The following RPL26L1 variants were observed in gnomAD, a reference collection of about 807,000 sequenced individuals.
RPL26L1 encodes the protein ribosomal protein L26 like 1, also known as ribosomal protein uL24-like.
A neutral mutation model predicts 15.2 loss-of-function variants in RPL26L1; 8 were observed. The ratio of observed to expected loss-of-function variants is 0.53; its 90% confidence interval spans 0.31 to 0.95. RPL26L1 has a LOEUF of 0.95. Ranked by LOEUF, RPL26L1 falls within the 40% of genes least tolerant of loss-of-function variation. RPL26L1 has a pLI of 0.05. For missense variants in RPL26L1, 146 were observed against 190.9 expected (o/e 0.76, Z 1.39); for synonymous variants, 51 against 65.9 (o/e 0.77, Z 1.09).
chr5:172,968,029 G>C (rs1171338467), intron 2 of RPL26L1, among the ~76,000 whole-genome samples: 1 of 152,022 alleles, frequency 6.6e-6, no homozygotes, highest in Non-Finnish European at 1.5e-5. Flanking sequence ...ATGGTCAAAG[G>C]AAGTGTTCTT....
chr5:172,959,641 C>T (rs183845832), intron 1 of RPL26L1, 173 bp downstream of exon 1: 46 of 1,238,710 alleles, frequency 3.7e-5, no homozygotes, highest in Admixed American at 2.2e-4. Context: ...CCAGTGCTAC[C>T]CTCTCCCCCA....
chr5:172,964,281 C>CTTTT (rs1204432096), intron 2 of RPL26L1, among the ~76,000 whole-genome samples: 6 of 99,224 alleles, frequency 6.0e-5, no homozygotes, highest in African/African-American at 2.2e-4. Context: ...GGCCTGTTGC[C>CTTTT]TTTTTTTTTT....
chr5:172,954,627 G>T (rs1007500171), upstream of RPL26L1, among the ~76,000 whole-genome samples: 3 of 151,972 alleles, frequency 2.0e-5, no homozygotes, highest in Non-Finnish European at 2.9e-5. Context: ...GGGAAGGTGG[G>T]TGTGGAGAGG....
upstream of RPL26L1, chr5:172,959,413 C>T (rs1029376273): frequency 8.0e-6 from 8 of 1,004,194 alleles, no homozygotes; most frequent in African/African-American, 1.4e-4. Flanking sequence ...GCTTGCGCGG[C>T]ACGGAAACTC....
chr5:172,961,685 C>T (rs1243555395), intron 2 of RPL26L1, among the ~76,000 whole-genome samples: 1 of 152,234 alleles, frequency 6.6e-6, no homozygotes, highest in Non-Finnish European at 1.5e-5. Context: ...CCAGTGGACA[C>T]ATCTAGCATC....
At position 172,960,174 on chromosome 5, in the gene RPL26L1, T is replaced by C. The variant is rs1205466430; in HGVS notation, c.168+133T>C. 8.0e-5 allele frequency: 84 copies of C among 1,051,550 alleles called. No homozygotes were observed. The Middle Eastern group carries it at 1.0e-3, about 13-fold the overall frequency. The allele number at this position is 1,051,550 out of a possible 1,614,324, so 65.1% of individuals were successfully genotyped here. On this transcript the variant is annotated intron_variant, in intron 2 of 3. Transcript: ENST00000265100. ...CCCTTCAGATGTGTTAGGCCAGAGA[T>C]AGGGTTCAGAGCCACCAGAGAGTGC...
chr5:172,957,682 C>T (rs1280536654), upstream of RPL26L1: 1 of 199,322 alleles, frequency 5.0e-6, no homozygotes, highest in East Asian at 1.5e-4. Flanking sequence ...GTTTGACTAA[C>T]ACCTAAGGAC....
chr5:172,963,939 C>T (rs1296558092), intron 2 of RPL26L1, among the ~76,000 whole-genome samples: 1 of 152,080 alleles, frequency 6.6e-6, no homozygotes, highest in African/African-American at 2.4e-5. Flanking sequence ...CTCCATGAAA[C>T]CAGAGAGTTC....
chr5:172,965,705 C>T (rs1400412342), intron 2 of RPL26L1, among the ~76,000 whole-genome samples: 1 of 152,222 alleles, frequency 6.6e-6, no homozygotes, highest in Non-Finnish European at 1.5e-5. Flanking sequence ...TAATCTCTCA[C>T]AAGCTCTTCC....
chr5:172,958,264 CAAAAAAAA>C, upstream of RPL26L1: 2 of 286,782 alleles, frequency 7.0e-6, no homozygotes, highest in South Asian at 2.5e-5. Context: ...AACTCTATCT[CAAAAAAAA>C]AAAAAAAAAA....
intron 2 of RPL26L1, among the ~76,000 whole-genome samples, chr5:172,965,311 C>A (rs542378997): frequency 3.3e-5 from 5 of 152,212 alleles, no homozygotes; most frequent in African/African-American, 1.2e-4. Flanking sequence ...TTTCTTTTAC[C>A]GTCTTCCTCC....
chr5:172,966,624 T>C (rs1169995507), intron 2 of RPL26L1, among the ~76,000 whole-genome samples: 1 of 86,474 alleles, frequency 1.2e-5, no homozygotes, highest in East Asian at 3.3e-4. Flanking sequence ...TGTGTGTATT[T>C]CTTCAGTCTT....
At chr5:172,957,226 C>T (rs1358364721), upstream of RPL26L1, 1 of 456,158 alleles carries the variant, frequency 2.2e-6, no homozygotes, top group Non-Finnish European at 4.4e-6. Flanking sequence ...GACAAGACAG[C>T]CAGTCTCACT....
At chr5:172,958,116 T>TAAG (rs1755038706), upstream of RPL26L1, 5 of 307,434 alleles carry the variant, frequency 1.6e-5, no homozygotes, top group Admixed American at 1.2e-4. Context: ...AATACAAAAT[T>TAAG]AGCCGGGCGT....
intron 2 of RPL26L1, among the ~76,000 whole-genome samples, chr5:172,964,853 C>T (rs1755389272): frequency 6.6e-6 from 1 of 152,164 alleles, no homozygotes; most frequent in African/African-American, 2.4e-5. Flanking sequence ...CCTGTAGTTC[C>T]ACCCCTCTTA....
At chr5:172,967,272 C>T (rs1489939082) in intron 2 of RPL26L1, among the ~76,000 whole-genome samples, 1 of 151,986 alleles carries the variant, frequency 6.6e-6, no homozygotes, top group Non-Finnish European at 1.5e-5. Context: ...CGAGACCAGC[C>T]TGGCCAATAT....
chr5:172,954,100 G>A (rs1359840045), upstream of RPL26L1, among the ~76,000 whole-genome samples: 1 of 152,190 alleles, frequency 6.6e-6, no homozygotes. Context: ...GTTTATACCA[G>A]TTGTGCTTTT....
intron 2 of RPL26L1, among the ~76,000 whole-genome samples, chr5:172,966,002 C>CT (rs1362639582): frequency 2.6e-5 from 4 of 152,248 alleles, no homozygotes; most frequent in Admixed American, 1.3e-4. Flanking sequence ...AAGCCAGACT[C>CT]TGAGTATCAT....
chr5:172,967,235 C>T (rs1353184905), intron 2 of RPL26L1, among the ~76,000 whole-genome samples: 1 of 151,892 alleles, frequency 6.6e-6, no homozygotes, highest in Non-Finnish European at 1.5e-5. Flanking sequence ...GAGGCCGAGG[C>T]AGGCAGATCA....
Sources: allele counts gnomAD v4.1 joint callset (sites outside exome capture counted in the v4.1 genomes callset), GRCh38; gene constraint gnomAD v4.1.1; transcripts MANE v1.5; gene names NCBI Gene and HGNC (gene_info 2026-07-23, HGNC 2026-07-21).